Variants in NCF2 observed in about 807,000 individuals in gnomAD.
The protein encoded by NCF2 is neutrophil cytosolic factor 2.
A neutral mutation model predicts 70.9 loss-of-function variants in NCF2; 45 were observed. The observed-to-expected ratio is 0.63, with a 90% CI of 0.50 to 0.81. The LOEUF (loss-of-function observed/expected upper bound fraction) is 0.81. NCF2 is among the 40% of genes least tolerant of loss of function. NCF2 has a pLI of 0.00. For missense variants in NCF2, 522 were observed against 631.6 expected, an observed-to-expected ratio of 0.83 and a Z score of 1.86; for synonymous variants, 203 against 233.6, an observed-to-expected ratio of 0.87 and a Z score of 1.19.
chr1:183,593,966 A>G (rs1236568205), upstream of NCF2, among the ~76,000 whole-genome samples: 1 of 152,250 alleles, frequency 6.6e-6, no homozygotes. Flanking sequence ...TCTCTACTAG[A>G]CAGCATTGTG....
chr1:183,577,075 C>G (rs1672830320), intron 3 of NCF2, among the ~76,000 whole-genome samples: 1 of 152,132 alleles, frequency 6.6e-6, no homozygotes, highest in Non-Finnish European at 1.5e-5. Flanking sequence ...AGATTTATGC[C>G]AAATTATCCT....
intron 3 of NCF2, among the ~76,000 whole-genome samples, chr1:183,575,678 G>A (rs1301846995): frequency 6.6e-6 from 1 of 152,216 alleles, no homozygotes; most frequent in Non-Finnish European, 1.5e-5. Context: ...CATTGACACT[G>A]TCTTGCTCTT....
In NCF2 at chr1:183,577,627, C is replaced by T. The variant is rs200286542; in HGVS notation, c.338G>A (p.Gly113Glu). ...ACAGGCAAACAGCTTGAACTGGAGC[C>T]CCAGGATCTTATAGTCTATCAGCTG... ...GNQLIDYKIL[G>E]LQFKLFACEV... is the part of the protein sequence containing the mutation. Residue 113 changes from glycine (G) to glutamate (E), a missense_variant, in exon 3 of 15, where the codon GGG (glycine) becomes GAG (glutamate). Gly to Glu is a moderately conservative substitution (Grantham distance 98). Transcript: ENST00000367535. The T allele has an allele frequency of 1.2e-6, 2 of 1,613,896 alleles. No individual in the cohort carries two copies. The highest frequency in any genetic ancestry group is 1.7e-6 in the Non-Finnish European group (2 of 1,179,806).
chr1:183,563,278 C>T lies in NCF2; in HGVS notation c.1207G>A (p.Val403Met). Reference sequence around the variant, plus strand: ...TTCATGCTGTCTTCTGAAAGGGGCACCAGCTCATTGCTGTCCCGAGGCCGA... The same window carrying T: ...TTCATGCTGTCTTCTGAAAGGGGCATCAGCTCATTGCTGTCCCGAGGCCGA... ...SYRPRDSNELVPLSEDSMKDA... is the reference protein window; with the variant it reads ...SYRPRDSNELMPLSEDSMKDA... The change falls in exon 13 of 15, where the codon GTG becomes ATG. Residue 403 changes from valine to methionine, a missense_variant. Transcript: ENST00000367535. 1 of 1,614,200 alleles carries T rather than the reference C, an allele frequency of 6.2e-7. No individual in the cohort carries two copies. The highest frequency in any genetic ancestry group is 8.5e-7 in the Non-Finnish European group (1 of 1,180,042).
chr1:183,590,490 A>C (rs1301199628), upstream of NCF2: 3 of 763,234 alleles, frequency 3.9e-6, no homozygotes, highest in Non-Finnish European at 6.8e-6. Context: ...ATAACTTCTC[A>C]GTGTTGCAAA....
chr1:183,590,474 C>A, upstream of NCF2: 3 of 829,372 alleles, frequency 3.6e-6, no homozygotes, highest in East Asian at 7.9e-5. Flanking sequence ...CCCAGCCTCC[C>A]TTAAGATAAC....
At chr1:183,567,841 CAGGG>C (rs917631244) in intron 7 of NCF2, among the ~76,000 whole-genome samples, 7 of 152,128 alleles carry the variant, frequency 4.6e-5, no homozygotes, top group Admixed American at 3.3e-4. Context: ...GGGTAGGTGA[CAGGG>C]AGCGTGAGGG....
intron 9 of NCF2, among the ~76,000 whole-genome samples, chr1:183,566,577 C>T (rs141137369): frequency 2.6e-5 from 4 of 152,298 alleles, no homozygotes; most frequent in African/African-American, 9.6e-5. Context: ...TACCAGCCAA[C>T]ACATTGACTA....
chr1:183,564,135 C>T, intron 10 of NCF2, 105 bp from the exon 11 acceptor site: 1 of 1,092,016 alleles, frequency 9.2e-7, no homozygotes, highest in Non-Finnish European at 1.4e-6. Flanking sequence ...GGGCCCCCAA[C>T]CTCTTACCCT....
chr1:183,574,046 C>T (rs1174491891), intron 4 of NCF2, among the ~76,000 whole-genome samples: 1 of 152,236 alleles, frequency 6.6e-6, no homozygotes, highest in African/African-American at 2.4e-5. Flanking sequence ...GCTGAGATCA[C>T]ACCACTGCAC....
Position 183,590,249 on chromosome 1 carries a change from A to G in NCF2, c.81T>C (p.Asp27=), listed in dbSNP as rs1285661133. Residue 27 remains aspartate (D), a synonymous_variant, in exon 1 of 15, where the codon GAT becomes GAC. Coordinates refer to ENST00000367535, the MANE Select transcript of NCF2 (RefSeq NM_000433.4). ...ADKKDWKGAL[D]AFSAVQDPHS... is the part of the protein sequence containing the mutation. The stretch of plus-strand genomic sequence containing the variant: ...GGGGGTCCTGGACGGCACTGAAGGC[A>G]TCCAGGGCTCCCTTCCAGTCCTTCT... 1 of 1,614,158 alleles carries G rather than the reference A, an allele frequency of 6.2e-7. No individual in the cohort carries two copies. The highest frequency in any genetic ancestry group is 1.1e-5 in the South Asian group (1 of 91,080).
At chr1:183,565,866 C>A in intron 9 of NCF2, 87 bp from the exon 10 acceptor site, 1 of 1,307,290 alleles carries the variant, frequency 7.6e-7, no homozygotes, top group Non-Finnish European at 1.1e-6. Context: ...TACAGAGACC[C>A]CATGTAAAGG....
At chr1:183,566,733 C>T (rs917186846) in intron 9 of NCF2, among the ~76,000 whole-genome samples, 187 bp downstream of exon 9, 6 of 152,240 alleles carry the variant, frequency 3.9e-5, no homozygotes, top group African/African-American at 4.8e-5. Context: ...CTTAGCACAT[C>T]TGGGCTTTTT....
At chr1:183,585,411 G>A (rs1290606669) in intron 2 of NCF2, among the ~76,000 whole-genome samples, 1 of 152,054 alleles carries the variant, frequency 6.6e-6, no homozygotes, top group Non-Finnish European at 1.5e-5. Context: ...GGATCACAAG[G>A]TCAGGAGTTC....
rs1270749552 is a variant in NCF2 at position 183,556,037 on chromosome 1, A to C, written c.*81T>G. Reference sequence around the variant, plus strand: ...CTTCCAAACTGTAATGTCTCAGTACAGTATACAGCAGAAGGGTGCTAAATC... The same window carrying C: ...CTTCCAAACTGTAATGTCTCAGTACCGTATACAGCAGAAGGGTGCTAAATC... On this transcript the variant is annotated 3_prime_UTR_variant, in exon 15 of 15. Transcript: ENST00000367535. The C allele has an allele frequency of 9.0e-7, 1 of 1,114,886 alleles. No individual in the cohort carries two copies. The highest frequency in any genetic ancestry group is 1.5e-5 in the African/African-American group (1 of 65,250). The allele number at this position is 1,114,886 out of a possible 1,614,324, so 69.1% of individuals were successfully genotyped here. A position where few individuals can be genotyped will look rare whatever the true frequency, so the allele number is the denominator to read the frequency against.
intron 3 of NCF2, among the ~76,000 whole-genome samples, chr1:183,577,057 G>A (rs1170012043): frequency 6.6e-6 from 1 of 152,244 alleles, no homozygotes; most frequent in Non-Finnish European, 1.5e-5. Context: ...CTTTGAGCAA[G>A]AGGGGACAGA....
intron 6 of NCF2, 56 bp from the exon 7 acceptor site, chr1:183,569,241 A>G: frequency 6.7e-7 from 1 of 1,495,606 alleles, no homozygotes; most frequent in Non-Finnish European, 9.3e-7. Flanking sequence ...AAAGCAGGGG[A>G]GAGACAACAA....
At position 183,577,754 on chromosome 1, in the gene NCF2, T is replaced by C. The variant is rs370670662; in HGVS notation, c.258-47A>G. ...TACAGCAGTCTAGTGGATGGAGAAA[T>C]AAATGCAGCATAAAATGTGAGTCTG... On this transcript the variant is annotated intron_variant, in intron 2 of 14. Coordinates refer to ENST00000367535, the MANE Select transcript of NCF2 (RefSeq NM_000433.4). The C allele has an allele frequency of 2.3e-6, 3 of 1,300,488 alleles. No individual in the cohort carries two copies. The African/African-American group carries it at 4.4e-5, about 19-fold the overall frequency. The allele number at this position is 1,300,488 out of a possible 1,614,324, so 80.6% of individuals were successfully genotyped here.
chr1:183,582,570 C>A (rs987574420), intron 2 of NCF2, among the ~76,000 whole-genome samples: 21 of 152,264 alleles, frequency 1.4e-4, no homozygotes, highest in African/African-American at 4.8e-4. Context: ...ACAGCTCATA[C>A]ACCTGCACCC....
Sources: gnomAD v4.1 joint callset for allele counts (sites outside exome capture counted in the v4.1 genomes callset) on GRCh38, gnomAD v4.1.1 for gene constraint, MANE v1.5 for transcripts, NCBI Gene and HGNC (gene_info 2026-07-23, HGNC 2026-07-21) for gene names.